Variants in MRE11 observed in about 807,000 individuals in gnomAD.
MRE11 encodes double-strand break repair protein MRE11.
Under a neutral mutation model 91.7 loss-of-function variants are expected in MRE11, and 62 were observed. That is an observed-to-expected ratio of 0.68 (90% confidence interval 0.55 to 0.84). The LOEUF (loss-of-function observed/expected upper bound fraction) is 0.84. Ranked by LOEUF, MRE11 falls within the 40% of genes least tolerant of loss-of-function variation. MRE11 has a pLI of 0.00. For synonymous variants in MRE11, 273 were observed against 271.4 expected, an observed-to-expected ratio of 1.01 and a Z score of -0.06; for missense variants, 796 against 852.9, an observed-to-expected ratio of 0.93 and a Z score of 0.83.
At chr11:94,462,960 A>C (rs769242884) in intron 11 of MRE11, among the ~76,000 whole-genome samples, 5 of 152,306 alleles carry the variant, frequency 3.3e-5, no homozygotes, top group East Asian at 1.9e-4. Flanking sequence ...AGCTTCTGCA[A>C]AGCAAAAGAA....
At chr11:94,452,955 C>T (rs1946150665) in intron 14 of MRE11, among the ~76,000 whole-genome samples, 1 of 152,168 alleles carries the variant, frequency 6.6e-6, no homozygotes, top group African/African-American at 2.4e-5. Context: ...TCATCCCAAA[C>T]TGAAACTCCA....
chr11:94,425,143 G>A (rs562667055), intron 19 of MRE11, among the ~76,000 whole-genome samples: 10 of 152,180 alleles, frequency 6.6e-5, no homozygotes, highest in Middle Eastern at 3.4e-3. Context: ...GGCTACCAGC[G>A]GACATCTCGG....
chr11:94,501,796 CAG>C, the MRE11 span, among the ~76,000 whole-genome samples: 1 of 151,284 alleles, frequency 6.6e-6, no homozygotes, highest in Non-Finnish European at 1.5e-5. Context: ...ATAGGTAAAT[CAG>C]GGATAATATC....
intron 3 of MRE11, among the ~76,000 whole-genome samples, chr11:94,490,567 T>A (rs1362071606): frequency 6.6e-6 from 1 of 152,178 alleles, no homozygotes; most frequent in Non-Finnish European, 1.5e-5. Context: ...ACCTTACATT[T>A]CGAATAGACA....
intron 14 of MRE11, among the ~76,000 whole-genome samples, chr11:94,448,760 A>C (rs563728602): frequency 6.6e-6 from 1 of 152,122 alleles, no homozygotes; most frequent in Non-Finnish European, 1.5e-5. Flanking sequence ...GTGCCACTGC[A>C]CTCCAGCCTG....
At chr11:94,446,228 T>C (rs988582074) in intron 15 of MRE11, among the ~76,000 whole-genome samples, 1 of 152,072 alleles carries the variant, frequency 6.6e-6, no homozygotes, top group African/African-American at 2.4e-5. Context: ...GCCAACATGG[T>C]GAAACCCCAC....
chr11:94,443,729 A>G (rs1011141333), intron 16 of MRE11, among the ~76,000 whole-genome samples: 2 of 152,196 alleles, frequency 1.3e-5, no homozygotes, highest in Non-Finnish European at 2.9e-5. Flanking sequence ...TACTTATTTA[A>G]GGAGAGAAGA....
intron 12 of MRE11, among the ~76,000 whole-genome samples, chr11:94,460,186 T>G (rs928168822): frequency 1.3e-5 from 2 of 152,184 alleles, no homozygotes; most frequent in African/African-American, 4.8e-5. Flanking sequence ...CCTTAGAGCC[T>G]CCAAAAAGGA....
intron 19 of MRE11, among the ~76,000 whole-genome samples, chr11:94,420,556 C>T (rs1945143555): frequency 6.6e-6 from 1 of 152,090 alleles, no homozygotes; most frequent in Non-Finnish European, 1.5e-5. Context: ...TGGAAATTCA[C>T]AGCGAAAAAA....
At chr11:94,480,609 T>G (rs551403457) in intron 4 of MRE11, among the ~76,000 whole-genome samples, 13 of 152,352 alleles carry the variant, frequency 8.5e-5, no homozygotes, top group Admixed American at 2.6e-4. Flanking sequence ...TGGAAGGGAA[T>G]TGTTAGGTCA....
chr11:94,499,150 C>T, the MRE11 span: 1 of 153,980 alleles, frequency 6.5e-6, no homozygotes, highest in Non-Finnish European at 1.4e-5. Flanking sequence ...TTGTATACTG[C>T]ATCCCCTACC....
intron 3 of MRE11, 105 bp downstream of exon 3, chr11:94,490,728 G>T: frequency 7.6e-7 from 1 of 1,320,004 alleles, no homozygotes; most frequent in Non-Finnish European, 1.1e-6. Flanking sequence ...AAGCAGGCAA[G>T]GTAAGCACCT....
intron 18 of MRE11, among the ~76,000 whole-genome samples, chr11:94,431,331 C>T (rs769274776): frequency 6.6e-6 from 1 of 152,110 alleles, no homozygotes; most frequent in African/African-American, 2.4e-5. Context: ...AGTGGCAGAG[C>T]TTAAATAGTT....
Position 94,437,239 on chromosome 11 carries a change from G to C in MRE11, c.1868-4C>G. ...TGCTGTCTTGTAGATTTAAAGGCTAGAATGAAAAAGATGAAATGTGCATTA... is the reference window on the plus strand; with the variant it reads ...TGCTGTCTTGTAGATTTAAAGGCTACAATGAAAAAGATGAAATGTGCATTA... On this transcript the variant is annotated splice_region_variant and splice_polypyrimidine_tract_variant and intron_variant, in intron 16 of 19. Coordinates refer to ENST00000323929, the MANE Select transcript of MRE11 (RefSeq NM_005591.4). The C allele has an allele frequency of 3.1e-6, 5 of 1,611,810 alleles. No homozygotes were observed. Among genetic ancestry groups the C allele is most frequent in the Non-Finnish European group, 3.4e-6 (4 of 1,178,720 alleles).
intron 19 of MRE11, among the ~76,000 whole-genome samples, chr11:94,426,452 C>CA (rs1945318368): frequency 2.7e-5 from 4 of 150,796 alleles, no homozygotes; most frequent in African/African-American, 9.7e-5. Flanking sequence ...ATCAAATTAA[C>CA]AATTTGTTAA....
At chr11:94,422,953 T>C (rs1945213229) in intron 19 of MRE11, among the ~76,000 whole-genome samples, 1 of 152,140 alleles carries the variant, frequency 6.6e-6, no homozygotes, top group Non-Finnish European at 1.5e-5. Flanking sequence ...CCTCAGGTGA[T>C]CCGCCTGCCT....
At chr11:94,423,750 T>C (rs1945235961) in intron 19 of MRE11, among the ~76,000 whole-genome samples, 1 of 152,194 alleles carries the variant, frequency 6.6e-6, no homozygotes, top group Non-Finnish European at 1.5e-5. Context: ...GCACAGCTGG[T>C]GCCTGACCCT....
chr11:94,506,669 G>T, the MRE11 span, among the ~76,000 whole-genome samples: 1 of 150,904 alleles, frequency 6.6e-6, no homozygotes, highest in African/African-American at 2.4e-5. Flanking sequence ...ACTCACTGCA[G>T]CCTTGAACTC....
rs572314112 is a variant in MRE11, at chr11:94,492,831, C to G, written c.-30G>C. ...ATGGTCAGTCAAGCTCCTCTGGGAC[C>G]AGGTTCTTCTCCAAGAACCCCTGGG... On this transcript the variant is annotated 5_prime_UTR_variant, in exon 2 of 20. Coordinates refer to ENST00000323929, the MANE Select transcript of MRE11 (RefSeq NM_005591.4). 754 of 1,610,470 alleles carry G rather than the reference C, an allele frequency of 4.7e-4. 11 individuals are homozygous for G. In the South Asian group the frequency reaches 7.9e-3, roughly 17 times the overall value.
Sources: allele counts gnomAD v4.1 joint callset (sites outside exome capture counted in the v4.1 genomes callset), GRCh38; gene constraint gnomAD v4.1.1; transcripts MANE v1.5; gene names NCBI Gene and HGNC (gene_info 2026-07-23, HGNC 2026-07-21).